BBOX1: variants seen among roughly 807,000 people sequenced by gnomAD.
The protein encoded by BBOX1 is gamma-butyrobetaine dioxygenase.
Under a neutral mutation model 41.6 loss-of-function variants are expected in BBOX1, and 35 were observed. That is an observed-to-expected ratio of 0.84 (90% CI 0.64 to 1.11). BBOX1 has a LOEUF of 1.11. Among genes scored for constraint, BBOX1 ranks in the 50% most tolerant of loss-of-function variants. BBOX1 has a pLI of 0.00. For synonymous variants in BBOX1, 163 were observed against 154.7 expected (o/e 1.05, Z -0.40); for missense variants, 458 against 460.6 (o/e 0.99, Z 0.05).
intron 5 of BBOX1, among the ~76,000 whole-genome samples, chr11:27,098,863 G>T (rs184786249): frequency 7.3e-6 from 1 of 136,562 alleles, no homozygotes; most frequent in East Asian, 1.9e-4. Context: ...TAACTATCCT[G>T]CTTGTAACTC....
rs192278330 is a variant in BBOX1 at position 27,099,571 on chromosome 11, G to A, written c.533+6205G>A. ...TAAATAAATACTTTGGAAACTTTAC[G>A]CCCAAAACGTTTAGGAAGAATTGGG... is the stretch of plus-strand genomic sequence containing the variant. On this transcript the variant is annotated intron_variant, in intron 5 of 8. Transcript: ENST00000263182. 9.1e-4 allele frequency among the ~76,000 whole-genome samples: 138 copies of A among 152,048 alleles called. 1 individual carries two copies. Among genetic ancestry groups the A allele is most frequent in the African/African-American group, 3.1e-3 (130 of 41,494 alleles).
intron 6 of BBOX1, among the ~76,000 whole-genome samples, chr11:27,117,756 T>C (rs1859320314): frequency 6.6e-6 from 1 of 152,044 alleles, no homozygotes; most frequent in African/African-American, 2.4e-5. Flanking sequence ...TGCTTGACTT[T>C]TTCATAGTCA....
chr11:27,119,405 T>C (rs1490897150), intron 6 of BBOX1, among the ~76,000 whole-genome samples: 1 of 151,996 alleles, frequency 6.6e-6, no homozygotes, highest in Admixed American at 6.6e-5. Context: ...GTAACATGTT[T>C]GAACTATACA....
chr11:27,044,913 C>A (rs1851446470), intron 2 of BBOX1, among the ~76,000 whole-genome samples: 1 of 152,112 alleles, frequency 6.6e-6, no homozygotes, highest in Non-Finnish European at 1.5e-5. Flanking sequence ...GCTATGTGGG[C>A]TCTTTTTTGG....
chr11:27,065,786 A>G (rs1397486681), intron 4 of BBOX1, among the ~76,000 whole-genome samples: 4 of 151,796 alleles, frequency 2.6e-5, no homozygotes, highest in African/African-American at 9.7e-5. Flanking sequence ...TACTACATCT[A>G]TTACTTTTTA....
intron 3 of BBOX1, 106 bp downstream of exon 3, chr11:27,055,755 G>A (rs1332449373): frequency 1.3e-5 from 13 of 1,014,072 alleles, no homozygotes; most frequent in East Asian, 1.0e-4. Flanking sequence ...ATATATAACC[G>A]CATATGAACC....
In BBOX1 at chr11:27,105,251, T is replaced by C. The variant is rs1343812334; in HGVS notation, c.534-10201T>C. On this transcript the variant is annotated intron_variant, in intron 5 of 8. Coordinates refer to ENST00000263182, the MANE Select transcript of BBOX1 (RefSeq NM_003986.3). ...ACAAAGCTGGATGGAGAATGACTGATGAATTGAGAGAAGATGGCTTCAGAC... is the reference window on the plus strand; with the variant it reads ...ACAAAGCTGGATGGAGAATGACTGACGAATTGAGAGAAGATGGCTTCAGAC... Among the ~76,000 whole-genome samples, 6 of 152,210 alleles carry C rather than the reference T, an allele frequency of 3.9e-5. No homozygotes were observed. In the East Asian group the frequency reaches 9.7e-4, roughly 25 times the overall value.
At chr11:27,044,260 T>G (rs886728985) in intron 2 of BBOX1, among the ~76,000 whole-genome samples, 2 of 152,200 alleles carry the variant, frequency 1.3e-5, no homozygotes, top group African/African-American at 4.8e-5. Flanking sequence ...AAGTGTCTGT[T>G]CATATCTTTT....
chr11:27,066,177 C>G (rs1384688097), intron 4 of BBOX1, among the ~76,000 whole-genome samples: 2 of 152,118 alleles, frequency 1.3e-5, no homozygotes, highest in African/African-American at 4.8e-5. Flanking sequence ...AGCTCCATTT[C>G]TACAAGCTAG....
chr11:27,074,381 G>A (rs190171822), intron 4 of BBOX1, among the ~76,000 whole-genome samples: 1 of 152,148 alleles, frequency 6.6e-6, no homozygotes, highest in Non-Finnish European at 1.5e-5. Flanking sequence ...GAACAGTCTG[G>A]AGGGCTCAGG....
At chr11:27,114,966 G>A (rs1859204035) in intron 5 of BBOX1, among the ~76,000 whole-genome samples, 1 of 151,686 alleles carries the variant, frequency 6.6e-6, no homozygotes, top group Non-Finnish European at 1.5e-5. Flanking sequence ...TCTTGGAGAA[G>A]GGTAGAATGG....
intron 2 of BBOX1, 119 bp from the exon 3 acceptor site, chr11:27,055,274 C>A: frequency 1.6e-6 from 1 of 628,230 alleles, no homozygotes; most frequent in Non-Finnish European, 2.7e-6. Flanking sequence ...AGTCAAACCG[C>A]AGACTCTGAC....
chr11:27,125,713 T>A lies in BBOX1; in HGVS notation c.896T>A (p.Ile299Lys). ...INFNNATRDTIFDVPVERVQP... is the reference protein window; with the variant it reads ...INFNNATRDTKFDVPVERVQP... The stretch of plus-strand genomic sequence containing the variant: ...TTCAATAACGCAACTAGGGACACAA[T>A]ATTTGATGTGCCTGTTGAAAGAGTT... The change falls in exon 8 of 9, where the codon ATA becomes AAA. Residue 299 changes from isoleucine to lysine, a missense_variant. Ile to Lys is a moderately radical substitution (Grantham distance 102). Transcript: ENST00000263182. 1 of 1,611,580 alleles carries A rather than the reference T, an allele frequency of 6.2e-7. No homozygotes were observed. The highest frequency in any genetic ancestry group is 1.1e-5 in the South Asian group (1 of 90,666).
intron 4 of BBOX1, among the ~76,000 whole-genome samples, chr11:27,091,327 G>C (rs1322406020): frequency 6.6e-6 from 1 of 151,874 alleles, no homozygotes; most frequent in Non-Finnish European, 1.5e-5. Flanking sequence ...AAAACCTACT[G>C]CATATCACCA....
At chr11:27,065,863 C>T (rs1226946410) in intron 4 of BBOX1, among the ~76,000 whole-genome samples, 4 of 152,096 alleles carry the variant, frequency 2.6e-5, no homozygotes, top group African/African-American at 9.7e-5. Context: ...TACTTAACAA[C>T]TTCATAAGAC....
intron 4 of BBOX1, among the ~76,000 whole-genome samples, chr11:27,079,486 T>C (rs950926045): frequency 6.6e-6 from 1 of 151,994 alleles, no homozygotes; most frequent in Non-Finnish European, 1.5e-5. Context: ...AAACTGAAAA[T>C]TGGTACAATC....
chr11:27,092,679 A>G lies in BBOX1; in HGVS notation c.335-489A>G, dbSNP rs184131488. ...CAGAGGTTGCTTCTTAACAGGTGAA[A>G]TAAGAGGAAAGAAGAGCTGTACCTA... On this transcript the variant is annotated intron_variant, in intron 4 of 8. Transcript: ENST00000263182. Among the ~76,000 whole-genome samples the G allele has an allele frequency of 3.3e-5, 5 of 152,078 alleles. No individual in the cohort carries two copies. In the East Asian group the frequency reaches 9.7e-4, roughly 29 times the overall value.
rs1259782597 is a variant in BBOX1, at chr11:27,127,382, G to T, written c.1093G>T (p.Ala365Ser). Residue 365 changes from alanine to serine, a missense_variant, in exon 9 of 9, where the codon GCT becomes TCT. Ala to Ser is a moderately conservative substitution (Grantham distance 99). Coordinates refer to ENST00000263182, the MANE Select transcript of BBOX1 (RefSeq NM_003986.3). Reference protein sequence around the residue: ...GTEISRHLEGAYADWDVVMSR... With the variant: ...GTEISRHLEGSYADWDVVMSR... ...TGAGATATCCCGCCATCTAGAAGGA[G>T]CTTATGCTGACTGGGATGTGGTCAT... The T allele has an allele frequency of 6.2e-7, 1 of 1,614,188 alleles. No individual in the cohort carries two copies. Among genetic ancestry groups the T allele is most frequent in the Non-Finnish European group, 8.5e-7 (1 of 1,180,034 alleles).
intron 4 of BBOX1, among the ~76,000 whole-genome samples, chr11:27,081,317 G>C (rs1044599291): frequency 1.3e-5 from 2 of 152,102 alleles, no homozygotes; most frequent in African/African-American, 4.8e-5. Flanking sequence ...TTGGTTTTCT[G>C]TTCTTGTGAT....
Sources: allele counts gnomAD v4.1 joint callset (sites outside exome capture counted in the v4.1 genomes callset), GRCh38; gene constraint gnomAD v4.1.1; transcripts MANE v1.5; gene names NCBI Gene and HGNC (gene_info 2026-07-23, HGNC 2026-07-21).